Variants in PDE4D observed in about 807,000 individuals in gnomAD.
PDE4D encodes 3',5'-cyclic-AMP phosphodiesterase 4D.
PDE4D carries 24 observed loss-of-function variants against 87.4 expected under a neutral mutation model. That is an observed-to-expected ratio of 0.27 (90% confidence interval 0.20 to 0.39). PDE4D has a LOEUF of 0.39. Ranked by LOEUF, PDE4D falls within the 10% of genes least tolerant of loss-of-function variation. The pLI is 1.00. For synonymous variants in PDE4D, 384 were observed against 383.2 expected, an observed-to-expected ratio of 1.00 and a Z score of -0.02; for missense variants, 714 against 1,041.0, an observed-to-expected ratio of 0.69 and a Z score of 4.32.
chr5:59,616,883 GTTTAAC>G (rs1829733683), intron 1 of PDE4D, among the ~76,000 whole-genome samples: 1 of 123,828 alleles, frequency 8.1e-6, no homozygotes, highest in Non-Finnish European at 1.6e-5. Flanking sequence ...ATAGTGAAGG[GTTTAAC>G]TTTGTGTATT....
At chr5:60,130,573 T>C (rs1300298200) in intron 2 of PDE4D, among the ~76,000 whole-genome samples, 2 of 152,126 alleles carry the variant, frequency 1.3e-5, no homozygotes, top group Non-Finnish European at 2.9e-5. Flanking sequence ...CTGCACAAAG[T>C]CATAGGCAGG....
chr5:59,002,091 A>G (rs779204520), intron 6 of PDE4D: 2 of 514,852 alleles, frequency 3.9e-6, no homozygotes, highest in South Asian at 1.4e-5. Context: ...CTGAATCCAA[A>G]TATTTAAAAG....
At chr5:59,830,743 A>C (rs1316766051) in intron 1 of PDE4D, among the ~76,000 whole-genome samples, 4 of 152,102 alleles carry the variant, frequency 2.6e-5, no homozygotes, top group African/African-American at 9.7e-5. Flanking sequence ...GGTAAAGTGC[A>C]CATTCTTATT....
Position 58,971,486 on chromosome 5 carries a change from G to C in PDE4D, c.*3178C>G, listed in dbSNP as rs1742588886. The C allele has an allele frequency of 6.6e-6, 1 of 152,372 alleles. No homozygotes were observed. Among genetic ancestry groups the C allele is most frequent in the Admixed American group, 6.6e-5 (1 of 15,266 alleles). 9.4% of individuals were successfully genotyped at this position (152,372 alleles called of 1,614,324 possible). ...TGCAATAAATACATGGTTGTAAACA[G>C]ACAAACAAGACTGTATTACAGGTAA... On this transcript the variant is annotated 3_prime_UTR_variant, in exon 15 of 15. Transcript: ENST00000340635.
At chr5:59,491,482 G>A (rs570933279) in intron 1 of PDE4D, among the ~76,000 whole-genome samples, 1 of 152,278 alleles carries the variant, frequency 6.6e-6, no homozygotes, top group South Asian at 2.1e-4. Context: ...TGCTAATTAA[G>A]TAGCTACATC....
chr5:59,187,017 C>T (rs915225803), intron 3 of PDE4D, among the ~76,000 whole-genome samples: 1 of 152,172 alleles, frequency 6.6e-6, no homozygotes, highest in African/African-American at 2.4e-5. Flanking sequence ...ATTGCACCAG[C>T]TAATTGATCC....
At chr5:60,433,909 G>A (rs890825267) in intron 1 of PDE4D, among the ~76,000 whole-genome samples, 8 of 152,134 alleles carry the variant, frequency 5.3e-5, no homozygotes, top group African/African-American at 1.7e-4. Context: ...GACAGACAGC[G>A]GGGCCTATTT....
At chr5:59,858,646 C>T (rs1433292032) in intron 1 of PDE4D, among the ~76,000 whole-genome samples, 2 of 152,106 alleles carry the variant, frequency 1.3e-5, no homozygotes, top group African/African-American at 4.8e-5. Context: ...CTGACACTCA[C>T]ATAACTATCC....
At chr5:59,731,342 C>T (rs1310235249) in intron 1 of PDE4D, among the ~76,000 whole-genome samples, 1 of 151,926 alleles carries the variant, frequency 6.6e-6, no homozygotes, top group African/African-American at 2.4e-5. Context: ...GGAGCAGTAT[C>T]GCCAATGGTC....
intron 2 of PDE4D, among the ~76,000 whole-genome samples, chr5:60,083,869 C>T (rs1167473592): frequency 6.6e-6 from 1 of 152,158 alleles, no homozygotes; most frequent in Admixed American, 6.5e-5. Context: ...ATGGTCTGGC[C>T]TGGTGGGAGC....
chr5:59,195,356 A>T (rs137940300), intron 2 of PDE4D, among the ~76,000 whole-genome samples: 62 of 152,258 alleles, frequency 4.1e-4, no homozygotes, highest in African/African-American at 1.4e-3. Flanking sequence ...GGTGCACTGA[A>T]GTGGCAAGGA....
At chr5:59,015,578 C>T (rs908014013) in intron 6 of PDE4D, among the ~76,000 whole-genome samples, 1 of 151,854 alleles carries the variant, frequency 6.6e-6, no homozygotes, top group Non-Finnish European at 1.5e-5. Context: ...AATGAGATAC[C>T]ATCTCACACC....
intron 1 of PDE4D, among the ~76,000 whole-genome samples, chr5:59,396,221 A>C (rs1163924344): frequency 1.7e-5 from 2 of 115,592 alleles, no homozygotes; most frequent in African/African-American, 7.3e-5. Context: ...AGATTCAGGA[A>C]ATACACAGAA....
intron 1 of PDE4D, among the ~76,000 whole-genome samples, chr5:59,676,668 AT>A (rs1319217919): frequency 3.3e-5 from 5 of 152,190 alleles, no homozygotes; most frequent in African/African-American, 4.8e-5. Flanking sequence ...ATTTTTAGAT[AT>A]TTTTTAAATT....
intron 11 of PDE4D, among the ~76,000 whole-genome samples, chr5:58,978,248 C>T (rs1053721386): frequency 7.6e-6 from 1 of 131,630 alleles, no homozygotes; most frequent in Non-Finnish European, 1.7e-5. Context: ...GACCTCATCT[C>T]GACAAATAAT....
intron 1 of PDE4D, among the ~76,000 whole-genome samples, chr5:60,233,426 T>G (rs1290397755): frequency 6.6e-6 from 1 of 151,788 alleles, no homozygotes; most frequent in Non-Finnish European, 1.5e-5. Flanking sequence ...GTTCTCTAAT[T>G]TAAGATTTCA....
chr5:59,910,986 C>A (rs887434326), intron 3 of PDE4D, among the ~76,000 whole-genome samples: 1 of 152,172 alleles, frequency 6.6e-6, no homozygotes, highest in Non-Finnish European at 1.5e-5. Flanking sequence ...GAGATATGAC[C>A]TAACAGATTC....
intron 1 of PDE4D, among the ~76,000 whole-genome samples, chr5:59,464,199 C>T (rs1170267483): frequency 2.6e-5 from 4 of 152,172 alleles, no homozygotes; most frequent in Non-Finnish European, 5.9e-5. Context: ...CCCAGCCCGA[C>T]ACCCGTAAAG....
chr5:60,297,029 A>G (rs1753462344), intron 1 of PDE4D, among the ~76,000 whole-genome samples: 1 of 152,172 alleles, frequency 6.6e-6, no homozygotes, highest in Non-Finnish European at 1.5e-5. Context: ...ACCATGGCAC[A>G]TGTATACCTA....
Sources: gnomAD v4.1 joint callset for allele counts (sites outside exome capture counted in the v4.1 genomes callset) on GRCh38, gnomAD v4.1.1 for gene constraint, MANE v1.5 for transcripts, NCBI Gene and HGNC (gene_info 2026-07-23, HGNC 2026-07-21) for gene names.